The following ARHGEF4 variants were observed in gnomAD, a reference collection of about 807,000 sequenced individuals.
The protein encoded by ARHGEF4 is Rho guanine nucleotide exchange factor 4, also known as APC-stimulated guanine nucleotide exchange factor 1.
Under a neutral mutation model 162.0 loss-of-function variants are expected in ARHGEF4, and 119 were observed. The observed-to-expected ratio is 0.73, with a 90% CI of 0.63 to 0.86. ARHGEF4 has a LOEUF of 0.86. Among genes scored for constraint, ARHGEF4 ranks in the 40% least tolerant of loss-of-function variants. The pLI is 0.00. For synonymous variants in ARHGEF4, 1,014 were observed against 979.9 expected, an observed-to-expected ratio of 1.03 and a Z score of -0.65; for missense variants, 2,488 against 2,456.0, an observed-to-expected ratio of 1.01 and a Z score of -0.28.
At chr2:130,927,438 G>A (rs1219670902) in intron 2 of ARHGEF4, among the ~76,000 whole-genome samples, 2 of 152,214 alleles carry the variant, frequency 1.3e-5, no homozygotes, top group African/African-American at 4.8e-5. Context: ...CTTGGCTCGG[G>A]GACATATGTG....
intron 4 of ARHGEF4, among the ~76,000 whole-genome samples, chr2:130,970,352 G>A (rs1685273848): frequency 6.6e-6 from 1 of 152,154 alleles, no homozygotes; most frequent in South Asian, 2.1e-4. Flanking sequence ...ATTTTGGGAG[G>A]CTGAGGCAGG....
Position 130,916,259 on chromosome 2 carries a change from C to G in ARHGEF4, c.2313C>G (p.Ala771=). 6.6e-7 allele frequency: 1 copy of G among 1,526,604 alleles called. No individual in the cohort carries two copies. Among genetic ancestry groups the G allele is most frequent in the Non-Finnish European group, 8.8e-7 (1 of 1,139,100 alleles). 94.6% of individuals were successfully genotyped at this position (1,526,604 alleles called of 1,614,324 possible). A position where few individuals can be genotyped will look rare whatever the true frequency, so the allele number is the denominator to read the frequency against. ...AARGQRPRVP[A]LEPPQPPRGL... is the part of the protein sequence containing the mutation. Reference sequence around the variant, plus strand: ...GGGGCCAGCGCCCCCGCGTCCCCGCCTTGGAGCCGCCCCAGCCGCCACGCG... The same window carrying G: ...GGGGCCAGCGCCCCCGCGTCCCCGCGTTGGAGCCGCCCCAGCCGCCACGCG... The change falls in exon 2 of 14, where the codon GCC becomes GCG. Residue 771 remains alanine, a synonymous_variant. Transcript: ENST00000409359.
At chr2:130,867,212 G>T (rs2104920503) in intron 1 of ARHGEF4, among the ~76,000 whole-genome samples, 1 of 151,578 alleles carries the variant, frequency 6.6e-6, no homozygotes, top group African/African-American at 2.4e-5. Flanking sequence ...TATCTATAAT[G>T]ATGGCTCCTT....
chr2:130,973,513 T>A (rs1029346028), intron 4 of ARHGEF4, among the ~76,000 whole-genome samples: 1 of 151,998 alleles, frequency 6.6e-6, no homozygotes, highest in Admixed American at 6.6e-5. Flanking sequence ...ATAAATAAAA[T>A]AAATGAAATT....
intron 1 of ARHGEF4, among the ~76,000 whole-genome samples, chr2:130,847,066 C>G (rs1681032954): frequency 6.6e-6 from 1 of 152,236 alleles, no homozygotes; most frequent in Non-Finnish European, 1.5e-5. Flanking sequence ...TGTGCGCGGG[C>G]TAAGAGCCCT....
chr2:131,033,320 C>T (rs1317146723), intron 5 of ARHGEF4, among the ~76,000 whole-genome samples: 2 of 152,226 alleles, frequency 1.3e-5, no homozygotes, highest in Admixed American at 6.5e-5. Flanking sequence ...CTTCAGCCAC[C>T]TTCAGTCCTC....
chr2:130,925,041 TG>T, intron 2 of ARHGEF4, among the ~76,000 whole-genome samples: 1 of 8,170 alleles, frequency 1.2e-4, no homozygotes, highest in African/African-American at 4.6e-4. Flanking sequence ...TCTAAGTGTG[TG>T]TGTGTGTGTG....
intron 5 of ARHGEF4, among the ~76,000 whole-genome samples, chr2:131,029,538 G>A (rs1689697136): frequency 7.5e-6 from 1 of 134,112 alleles, no homozygotes; most frequent in African/African-American, 2.7e-5. Context: ...CACAAGGAAT[G>A]GTTGTGCTTT....
chr2:130,840,750 C>T (rs1447792188), intron 1 of ARHGEF4, among the ~76,000 whole-genome samples: 3 of 152,214 alleles, frequency 2.0e-5, no homozygotes, highest in African/African-American at 4.8e-5. Context: ...AGCGTCACTC[C>T]TGGTGGCAGG....
At chr2:130,969,826 C>A (rs1209868213) in intron 4 of ARHGEF4, among the ~76,000 whole-genome samples, 1 of 152,176 alleles carries the variant, frequency 6.6e-6, no homozygotes, top group African/African-American at 2.4e-5. Flanking sequence ...CAGTGCCTCG[C>A]TGATCTAGAC....
At chr2:131,012,473 G>A (rs995519095) in intron 4 of ARHGEF4, among the ~76,000 whole-genome samples, 4 of 151,672 alleles carry the variant, frequency 2.6e-5, no homozygotes, top group Non-Finnish European at 5.9e-5. Flanking sequence ...TACTGAAGTT[G>A]CAAAGCCACA....
At chr2:131,023,721 G>A (rs1009398533) in intron 4 of ARHGEF4, among the ~76,000 whole-genome samples, 1 of 152,182 alleles carries the variant, frequency 6.6e-6, no homozygotes, top group Non-Finnish European at 1.5e-5. Context: ...AAGCTAAGTA[G>A]TCAACTACCA....
chr2:130,889,611 G>C (rs1679734762), intron 1 of ARHGEF4, among the ~76,000 whole-genome samples: 1 of 151,660 alleles, frequency 6.6e-6, no homozygotes, highest in Non-Finnish European at 1.5e-5. Flanking sequence ...GTGAGTTCGA[G>C]ACCAGCCTGG....
chr2:131,035,124 C>G, intron 5 of ARHGEF4: 1 of 1,166,624 alleles, frequency 8.6e-7, no homozygotes, highest in Non-Finnish European at 1.1e-6. Context: ...GGCGCGGCCC[C>G]GCGGCGCCCG....
rs114795967 is a variant in ARHGEF4 at position 130,869,223 on chromosome 2, G to A, written c.39+32231G>A. On this transcript the variant is annotated intron_variant, in intron 1 of 13. Transcript: ENST00000409359. Reference sequence around the variant, plus strand: ...CACAGAGAGAGTAGGAGGAGTAAGGGTGGAGGCCTGCAGAGTGGTTGGGAA... The same window carrying A: ...CACAGAGAGAGTAGGAGGAGTAAGGATGGAGGCCTGCAGAGTGGTTGGGAA... Among the ~76,000 whole-genome samples the A allele has an allele frequency of 5.5e-3, 838 of 152,316 alleles. 5 individuals carry two copies. The highest frequency in any genetic ancestry group is 0.018 in the African/African-American group (743 of 41,576).
At chr2:130,946,668 C>T in intron 4 of ARHGEF4, 33 bp downstream of exon 4, 2 of 1,611,994 alleles carry the variant, frequency 1.2e-6, no homozygotes, top group Non-Finnish European at 1.7e-6. Flanking sequence ...TTGCTATGTA[C>T]TCTGGATCCT....
At chr2:131,028,757 T>G (rs959941868) in intron 5 of ARHGEF4, among the ~76,000 whole-genome samples, 1 of 152,170 alleles carries the variant, frequency 6.6e-6, no homozygotes, top group Non-Finnish European at 1.5e-5. Flanking sequence ...TTGAACGTCA[T>G]GGAAGTGTAA....
Position 131,041,392 on chromosome 2 carries a change from C to G in ARHGEF4, c.4825C>G (p.Pro1609Ala), listed in dbSNP as rs1453064674. The G allele has an allele frequency of 6.2e-7, 1 of 1,613,436 alleles. No individual in the cohort carries two copies. The highest frequency in any genetic ancestry group is 1.1e-5 in the South Asian group (1 of 91,084). The change falls in exon 9 of 14, where the codon CCG (proline) becomes GCG (alanine). Residue 1609 changes from proline (P) to alanine (A), a missense_variant. This residue lies in a region of ARHGEF4 where 415 missense variants were observed against 512.4 expected (regional missense o/e 0.81). Transcript: ENST00000409359. ...DISLDGFLLT[P>A]VQKICKYPLQ... Reference sequence around the variant, plus strand: ...CTCCCTGGATGGCTTCCTGCTGACTCCGGTGCAGAAGATCTGCAAGTACCC... The same window carrying G: ...CTCCCTGGATGGCTTCCTGCTGACTGCGGTGCAGAAGATCTGCAAGTACCC...
intron 1 of ARHGEF4, among the ~76,000 whole-genome samples, chr2:130,842,994 C>T (rs975836645): frequency 2.6e-5 from 4 of 152,170 alleles, no homozygotes; most frequent in Admixed American, 6.5e-5. Flanking sequence ...CCTCTAGTGT[C>T]TCTTGTAGGC....
Sources: gnomAD v4.1 joint callset for allele counts (sites outside exome capture counted in the v4.1 genomes callset) on GRCh38, gnomAD v4.1.1 for gene constraint, gnomAD v4.1.1 regional missense constraint, MANE v1.5 for transcripts, NCBI Gene and HGNC (gene_info 2026-07-23, HGNC 2026-07-21) for gene names.